FAAH2: variants seen among roughly 807,000 people sequenced by gnomAD.
The protein encoded by FAAH2 is fatty acid amide hydrolase 2, also known as fatty-acid amide hydrolase 2.
FAAH2 carries 60 observed loss-of-function variants against 36.9 expected under a neutral mutation model. The observed-to-expected ratio is 1.63, with a 90% CI of 1.32 to 2.02. The LOEUF (loss-of-function observed/expected upper bound fraction) is 2.02, where lower values mean the gene tolerates loss of function less well. Ranked by LOEUF, FAAH2 falls within the 30% of genes most tolerant of loss-of-function variation. The probability of loss-of-function intolerance (pLI) is 0.00; values close to 1 mark genes in which losing one functional copy is unlikely to be tolerated. For synonymous variants in FAAH2, 214 were observed against 143.8 expected (o/e 1.49, Z -3.49); for missense variants, 689 against 397.5 (o/e 1.73, Z -6.23).
At chrX:57,322,239 C>T (rs1030447123) in intron 3 of FAAH2, among the ~76,000 whole-genome samples, 7 of 111,513 alleles carry the variant, frequency 6.3e-5, no homozygotes, top group African/African-American at 2.0e-4. Context: ...ATCCGCGCTC[C>T]TCGGCCTCCC....
intron 7 of FAAH2, among the ~76,000 whole-genome samples, chrX:57,426,460 C>T (rs1390386467): frequency 7.2e-5 from 8 of 111,448 alleles, no homozygotes; most frequent in African/African-American, 2.6e-4. Flanking sequence ...TTCCTCCAAT[C>T]GGCTCATGGA....
chrX:57,317,869 A>G (rs2052890828), intron 3 of FAAH2, among the ~76,000 whole-genome samples: 1 of 112,097 alleles, frequency 8.9e-6, no homozygotes, highest in African/African-American at 3.2e-5. Context: ...AACTCACTCA[A>G]AACGGCACAA....
At chrX:57,341,421 T>C in intron 5 of FAAH2, 31 bp downstream of exon 5, 1 of 1,188,426 alleles carries the variant, frequency 8.4e-7, no homozygotes, top group Non-Finnish European at 1.1e-6. Context: ...AGGGTGGTTC[T>C]ACTTTTATAA....
intron 3 of FAAH2, among the ~76,000 whole-genome samples, chrX:57,322,726 C>G (rs1286219790): frequency 9.0e-6 from 1 of 110,963 alleles, no homozygotes; most frequent in East Asian, 2.8e-4. Flanking sequence ...TCTTGTTTCA[C>G]TGTTTTATTT....
At position 57,316,654 on chromosome X, in the gene FAAH2, G is replaced by C. The variant is rs148703148; in HGVS notation, c.412+5925G>C. ...CTCCCTATTCAATACATGGTGCTGG[G>C]ATAACTCACTAGCCATGTACAGAAG... On this transcript the variant is annotated intron_variant, in intron 3 of 10. Transcript: ENST00000374900. Among the ~76,000 whole-genome samples, 467 of 111,165 alleles carry C rather than the reference G, an allele frequency of 4.2e-3. 3 individuals carry two copies. The highest frequency in any genetic ancestry group is 0.015 in the African/African-American group (448 of 30,655).
At chrX:57,177,590 A>G in the FAAH2 span, among the ~76,000 whole-genome samples, 2 of 68,022 alleles carry the variant, frequency 2.9e-5, no homozygotes, top group East Asian at 7.7e-4. Flanking sequence ...ATATATATAT[A>G]TATATATATA....
the FAAH2 span, among the ~76,000 whole-genome samples, chrX:57,174,155 T>C: frequency 9.0e-6 from 1 of 111,616 alleles, no homozygotes; most frequent in African/African-American, 3.2e-5. Flanking sequence ...TACCAACTAT[T>C]CTTTGAATGT....
At chrX:57,401,979 C>A (rs952901532) in intron 7 of FAAH2, among the ~76,000 whole-genome samples, 3 of 111,086 alleles carry the variant, frequency 2.7e-5, no homozygotes, top group African/African-American at 9.8e-5. Context: ...GACTGGCTGT[C>A]CTAGGACCCC....
chrX:57,220,436 A>G, the FAAH2 span, among the ~76,000 whole-genome samples: 1 of 110,607 alleles, frequency 9.0e-6, no homozygotes, highest in Non-Finnish European at 1.9e-5. Flanking sequence ...TTCCCCTTCA[A>G]ACCCTCAGAA....
intron 7 of FAAH2, among the ~76,000 whole-genome samples, chrX:57,403,267 G>T (rs144641634): frequency 1.1e-3 from 129 of 112,215 alleles, no homozygotes; most frequent in African/African-American, 4.1e-3. Flanking sequence ...GTCTTACAGC[G>T]TCCTCTGTGG....
intron 8 of FAAH2, among the ~76,000 whole-genome samples, chrX:57,433,815 G>T (rs1602648799): frequency 8.9e-6 from 1 of 111,736 alleles, no homozygotes; most frequent in African/African-American, 3.2e-5. Flanking sequence ...TTAAAAAATG[G>T]TTGTAGTTAT....
chrX:57,220,133 C>G, the FAAH2 span, among the ~76,000 whole-genome samples: 11 of 108,496 alleles, frequency 1.0e-4, no homozygotes, highest in Admixed American at 9.9e-4. Flanking sequence ...TCCTCCCAAC[C>G]GTACCTCTTT....
intron 8 of FAAH2, among the ~76,000 whole-genome samples, chrX:57,432,940 A>C (rs902184480): frequency 9.2e-6 from 1 of 108,440 alleles, no homozygotes; most frequent in African/African-American, 3.3e-5. Flanking sequence ...CCCTTCCATA[A>C]GGCAGAACTC....
upstream of FAAH2, among the ~76,000 whole-genome samples, chrX:57,283,265 G>C (rs770122307): frequency 9.0e-6 from 1 of 111,314 alleles, no homozygotes; most frequent in Non-Finnish European, 1.9e-5. Flanking sequence ...AAGGCTTTTG[G>C]TTGTCTCTGG....
At chrX:57,393,477 A>C in intron 7 of FAAH2, 1 of 931,521 alleles carries the variant, frequency 1.1e-6, no homozygotes, top group Non-Finnish European at 1.6e-6. Flanking sequence ...CCAACAAGCT[A>C]GAGTGTGATC....
the FAAH2 span, among the ~76,000 whole-genome samples, chrX:57,271,746 A>T: frequency 1.6e-4 from 18 of 111,474 alleles, no homozygotes; most frequent in African/African-American, 5.6e-4. Flanking sequence ...TCTGAAGTTC[A>T]CCAACATCAA....
the FAAH2 span, among the ~76,000 whole-genome samples, chrX:57,138,921 A>G: frequency 8.9e-6 from 1 of 112,005 alleles, no homozygotes; most frequent in Non-Finnish European, 1.9e-5. Flanking sequence ...TTGATTTTTT[A>G]CTATTGAGTT....
At chrX:57,470,399 A>C (rs752925561) in intron 10 of FAAH2, among the ~76,000 whole-genome samples, 4 of 111,950 alleles carry the variant, frequency 3.6e-5, no homozygotes, top group Non-Finnish European at 5.6e-5. Context: ...GACACAATAA[A>C]AAATGATAAA....
chrX:57,198,172 C>T, the FAAH2 span, among the ~76,000 whole-genome samples: 1 of 111,240 alleles, frequency 9.0e-6, no homozygotes, highest in Non-Finnish European at 1.9e-5. Flanking sequence ...ACCAGGGCAG[C>T]TAGGAAAAGA....
Sources: allele counts gnomAD v4.1 joint callset (sites outside exome capture counted in the v4.1 genomes callset), GRCh38; gene constraint gnomAD v4.1.1; transcripts MANE v1.5; gene names NCBI Gene and HGNC (gene_info 2026-07-23, HGNC 2026-07-21).